BAIAP2L1: variants seen among roughly 807,000 people sequenced by gnomAD.
BAIAP2L1 encodes BAR/IMD domain containing adaptor protein 2 like 1, also known as BAR/IMD domain-containing adapter protein 2-like 1.
BAIAP2L1 carries 35 observed loss-of-function variants against 66.3 expected under a neutral mutation model. The observed-to-expected ratio is 0.53, with a 90% CI of 0.40 to 0.70. The LOEUF (loss-of-function observed/expected upper bound fraction) is 0.70. Among genes scored for constraint, BAIAP2L1 ranks in the 30% least tolerant of loss-of-function variants. The probability of loss-of-function intolerance (pLI) is 0.00; values close to 1 mark genes in which losing one functional copy is unlikely to be tolerated. For missense variants in BAIAP2L1, 622 were observed against 656.9 expected, an observed-to-expected ratio of 0.95 and a Z score of 0.58; for synonymous variants, 269 against 248.7, an observed-to-expected ratio of 1.08 and a Z score of -0.77.
chr7:98,385,739 T>TC (rs1491566950), intron 1 of BAIAP2L1: 3 of 1,244,330 alleles, frequency 2.4e-6, no homozygotes, highest in Non-Finnish European at 3.3e-6. Flanking sequence ...TTTTTTTTGT[T>TC]GTTTTTTTTT....
intron 5 of BAIAP2L1, among the ~76,000 whole-genome samples, chr7:98,318,801 G>A (rs1439546099): frequency 6.6e-6 from 1 of 151,580 alleles, no homozygotes; most frequent in Non-Finnish European, 1.5e-5. Context: ...AAAATTAGCC[G>A]GGTGCAGTGG....
chr7:98,375,641 C>T (rs58482732), intron 1 of BAIAP2L1, among the ~76,000 whole-genome samples: 13,213 of 147,676 alleles, frequency 0.089, 763 homozygotes, highest in East Asian at 0.28. Context: ...CTCAGCTACT[C>T]GGGAGGCCGA....
At chr7:98,386,637 C>T in intron 1 of BAIAP2L1, 1 of 1,451,744 alleles carries the variant, frequency 6.9e-7, no homozygotes, top group South Asian at 1.2e-5. Context: ...AATGTTCTTT[C>T]CGAGAACTTT....
chr7:98,383,308 A>C (rs1297877043), intron 1 of BAIAP2L1, among the ~76,000 whole-genome samples: 1 of 148,456 alleles, frequency 6.7e-6, no homozygotes, highest in Non-Finnish European at 1.5e-5. Flanking sequence ...TTTCAGACAG[A>C]ATTTCCTTCT....
At chr7:98,306,610 T>C (rs1800667489) in intron 10 of BAIAP2L1, 94 bp from the exon 11 acceptor site, 1 of 1,568,204 alleles carries the variant, frequency 6.4e-7, no homozygotes, top group African/African-American at 1.4e-5. Context: ...GGCAGACAGG[T>C]CCACTGCTCC....
At chr7:98,349,596 G>T (rs1042024711) in intron 3 of BAIAP2L1, among the ~76,000 whole-genome samples, 7 of 152,172 alleles carry the variant, frequency 4.6e-5, no homozygotes, top group Non-Finnish European at 8.8e-5. Flanking sequence ...TGTCAGCCTG[G>T]GTGCAGTGGT....
At chr7:98,323,018 G>T (rs538946131) in intron 3 of BAIAP2L1, 2 of 152,250 alleles carry the variant, frequency 1.3e-5, no homozygotes, top group East Asian at 3.9e-4. Flanking sequence ...ATTTTACAGC[G>T]CTCTGACGGA....
intron 12 of BAIAP2L1, among the ~76,000 whole-genome samples, chr7:98,297,584 A>G (rs1399130278): frequency 6.6e-6 from 1 of 152,172 alleles, no homozygotes; most frequent in Non-Finnish European, 1.5e-5. Flanking sequence ...TTCAGTGTGA[A>G]AACCCATTCC....
chr7:98,353,430 TTATA>T (rs1364007687), intron 3 of BAIAP2L1, among the ~76,000 whole-genome samples: 3 of 137,018 alleles, frequency 2.2e-5, no homozygotes, highest in African/African-American at 2.7e-5. Context: ...TATATTTATA[TTATA>T]TATAAATATA....
intron 1 of BAIAP2L1, among the ~76,000 whole-genome samples, chr7:98,390,910 C>T (rs1376057246): frequency 6.6e-6 from 1 of 151,934 alleles, no homozygotes; most frequent in Non-Finnish European, 1.5e-5. Context: ...GATTTCAGCT[C>T]ACTGCTACCT....
chr7:98,343,247 ATAC>A (rs747354363), intron 3 of BAIAP2L1, among the ~76,000 whole-genome samples: 8 of 95,482 alleles, frequency 8.4e-5, no homozygotes, highest in Non-Finnish European at 1.6e-4. Flanking sequence ...GAAAAAAAAA[ATAC>A]ACACACACAC....
chr7:98,385,989 A>G, intron 1 of BAIAP2L1: 1 of 1,478,846 alleles, frequency 6.8e-7, no homozygotes, highest in Admixed American at 1.7e-5. Context: ...TAGACTGGCA[A>G]GCCTTTTCTA....
chr7:98,368,676 C>A (rs1173526275), intron 1 of BAIAP2L1, among the ~76,000 whole-genome samples: 1 of 152,040 alleles, frequency 6.6e-6, no homozygotes, highest in East Asian at 1.9e-4. Context: ...GGTGACAGAG[C>A]AAGACTCTGT....
chr7:98,338,167 T>C (rs1181788175), intron 3 of BAIAP2L1, among the ~76,000 whole-genome samples: 1 of 152,144 alleles, frequency 6.6e-6, no homozygotes, highest in Non-Finnish European at 1.5e-5. Context: ...GCATGGTGGC[T>C]CACGCTTGTA....
intron 12 of BAIAP2L1, among the ~76,000 whole-genome samples, chr7:98,301,818 G>T (rs966167259): frequency 6.6e-6 from 1 of 152,136 alleles, no homozygotes; most frequent in African/African-American, 2.4e-5. Flanking sequence ...CCTGAAGCTC[G>T]CGGGTGTGAG....
chr7:98,354,864 G>A (rs1367795295), intron 3 of BAIAP2L1, among the ~76,000 whole-genome samples, 178 bp downstream of exon 3: 1 of 152,138 alleles, frequency 6.6e-6, no homozygotes, highest in African/African-American at 2.4e-5. Context: ...TCGCCCTCCG[G>A]CACCAGTCCC....
chr7:98,354,947 C>T, intron 3 of BAIAP2L1, 95 bp downstream of exon 3: 1 of 894,388 alleles, frequency 1.1e-6, no homozygotes, highest in African/African-American at 1.6e-5. Context: ...TGGCCCAGAT[C>T]TCTCCTCTGT....
chr7:98,293,304 C>T lies in BAIAP2L1; in HGVS notation c.*217G>A. 3 of 471,662 alleles carry T rather than the reference C, an allele frequency of 6.4e-6. No homozygotes were observed. Among genetic ancestry groups the T allele is most frequent in the South Asian group, 7.4e-5 (2 of 27,180 alleles). 29.2% of individuals were successfully genotyped at this position (471,662 alleles called of 1,614,324 possible). Reference sequence around the variant, plus strand: ...AATAGGAAGAAAATATTTTAAATGGCTGAGCTGGTCATTAGACTATTACTC... The same window carrying T: ...AATAGGAAGAAAATATTTTAAATGGTTGAGCTGGTCATTAGACTATTACTC... On this transcript the variant is annotated 3_prime_UTR_variant, in exon 14 of 14. Coordinates refer to ENST00000005260, the MANE Select transcript of BAIAP2L1 (RefSeq NM_018842.5).
intron 12 of BAIAP2L1, among the ~76,000 whole-genome samples, 183 bp downstream of exon 12, chr7:98,304,013 G>A (rs1418357246): frequency 6.6e-6 from 1 of 152,170 alleles, no homozygotes; most frequent in African/African-American, 2.4e-5. Flanking sequence ...GAGGTGAAAG[G>A]CTGCATGACA....
Sources: gnomAD v4.1 joint callset for allele counts (sites outside exome capture counted in the v4.1 genomes callset) on GRCh38, gnomAD v4.1.1 for gene constraint, MANE v1.5 for transcripts, NCBI Gene and HGNC (gene_info 2026-07-23, HGNC 2026-07-21) for gene names.